The following THEMIS variants were observed in gnomAD, a reference collection of about 807,000 sequenced individuals.
The protein encoded by THEMIS is protein THEMIS.
Under a neutral mutation model 52.6 loss-of-function variants are expected in THEMIS, and 37 were observed. That is an observed-to-expected ratio of 0.70 (90% CI 0.54 to 0.93). The LOEUF (loss-of-function observed/expected upper bound fraction) is 0.93. THEMIS is among the 40% of genes least tolerant of loss of function. THEMIS has a pLI of 0.00. For missense variants in THEMIS, 808 were observed against 763.1 expected, an observed-to-expected ratio of 1.06 and a Z score of -0.69; for synonymous variants, 292 against 272.7, an observed-to-expected ratio of 1.07 and a Z score of -0.70.
At chr6:127,837,794 A>G (rs1778920971) in intron 2 of THEMIS, among the ~76,000 whole-genome samples, 1 of 152,116 alleles carries the variant, frequency 6.6e-6, no homozygotes, top group Admixed American at 6.6e-5. Context: ...AAACTCTACT[A>G]TAGACACTTC....
In THEMIS at chr6:127,856,353, C is replaced by A. The variant is rs371996896; in HGVS notation, c.92-1165G>T. On this transcript the variant is annotated intron_variant, in intron 1 of 5. Coordinates refer to ENST00000368248, the MANE Select transcript of THEMIS (RefSeq NM_001010923.3). ...ATCAGAGTCCCAATAGGTAACAGGG[C>A]ACACTCAAATTAGAATAATTTCAGG... Among the ~76,000 whole-genome samples, 5 of 152,016 alleles carry A rather than the reference C, an allele frequency of 3.3e-5. No individual in the cohort carries two copies. The East Asian group carries it at 5.9e-4, about 18-fold the overall frequency.
intron 4 of THEMIS, among the ~76,000 whole-genome samples, chr6:127,723,405 A>G (rs1424161968): frequency 2.0e-5 from 3 of 152,000 alleles, no homozygotes. Context: ...TTGCTGGAGT[A>G]TCCTTCTTTA....
chr6:127,892,556 A>G lies in THEMIS; in HGVS notation c.91+8286T>C, dbSNP rs140032922. Among the ~76,000 whole-genome samples, 495 of 152,104 alleles carry G rather than the reference A, an allele frequency of 3.3e-3. 1 individual carries two copies. Among genetic ancestry groups the G allele is most frequent in the Non-Finnish European group, 5.3e-3 (362 of 67,896 alleles). On this transcript the variant is annotated intron_variant, in intron 1 of 5. Coordinates refer to ENST00000368248, the MANE Select transcript of THEMIS (RefSeq NM_001010923.3). ...CTAGACCCTTTGACAATGCCTGATA[A>G]TGCATTATTAGGATGTATGTAAGCT...
upstream of THEMIS, among the ~76,000 whole-genome samples, chr6:127,901,488 C>A (rs1781133438): frequency 6.6e-6 from 1 of 152,036 alleles, no homozygotes; most frequent in Admixed American, 6.6e-5. Flanking sequence ...TGCGTCAGCT[C>A]TTTTTAGAAT....
chr6:127,698,622 C>G, the THEMIS span, among the ~76,000 whole-genome samples: 2 of 152,038 alleles, frequency 1.3e-5, no homozygotes, highest in Non-Finnish European at 2.9e-5. Flanking sequence ...CATATTCACT[C>G]AGATGAAACA....
rs1357450889 is a variant in THEMIS at position 127,813,828 on chromosome 6, T to A, written c.813A>T (p.Glu271Asp). Residue 271 changes from glutamate (E) to aspartate (D), a missense_variant, in exon 4 of 6, where the codon GAA becomes GAT. By Grantham distance (45) the Glu-to-Asp change is conservative. Transcript: ENST00000368248. The part of the protein sequence containing the change: ...ANWFLQLLST[E>D]DLFEMTSKEF... ...CTTTACTAGTCATTTCAAAAAGATC[T>A]TCTGTTGATAACAGCTGAAGAAACC... is the stretch of plus-strand genomic sequence containing the variant. 5 of 1,613,808 alleles carry A rather than the reference T, an allele frequency of 3.1e-6. No homozygotes were observed. The African/African-American group carries it at 5.3e-5, about 17-fold the overall frequency.
At chr6:127,739,503 T>A (rs1775122877) in intron 4 of THEMIS, among the ~76,000 whole-genome samples, 1 of 151,944 alleles carries the variant, frequency 6.6e-6, no homozygotes, top group African/African-American at 2.4e-5. Context: ...TAGCCGGGTG[T>A]GGTGGCGGGC....
At chr6:127,783,141 G>A (rs973315351) in intron 4 of THEMIS, among the ~76,000 whole-genome samples, 8 of 152,142 alleles carry the variant, frequency 5.3e-5, no homozygotes, top group African/African-American at 1.4e-4. Context: ...AATGGGGAAA[G>A]GATTCCCTAT....
At chr6:127,838,331 T>C (rs1778937685) in intron 2 of THEMIS, among the ~76,000 whole-genome samples, 2 of 152,206 alleles carry the variant, frequency 1.3e-5, no homozygotes, top group African/African-American at 4.8e-5. Context: ...AAAGTTGTTA[T>C]TGTGTTAGTA....
At chr6:127,823,743 A>G (rs753326247) in intron 3 of THEMIS, among the ~76,000 whole-genome samples, 2 of 152,148 alleles carry the variant, frequency 1.3e-5, no homozygotes, top group Non-Finnish European at 2.9e-5. Context: ...ACTCTGGGCT[A>G]GAACTAATTT....
intron 5 of THEMIS, among the ~76,000 whole-genome samples, chr6:127,716,385 C>A (rs1484074257): frequency 6.6e-6 from 1 of 151,794 alleles, no homozygotes; most frequent in Non-Finnish European, 1.5e-5. Context: ...CCTCTTGTAC[C>A]AAATGGCTGC....
chr6:127,815,349 A>G (rs778375052), intron 3 of THEMIS, among the ~76,000 whole-genome samples: 39 of 152,068 alleles, frequency 2.6e-4, no homozygotes, highest in Non-Finnish European at 3.5e-4. Flanking sequence ...ACAATTTGGA[A>G]TATTTAGAAG....
chr6:127,846,115 A>C (rs1006592892), intron 2 of THEMIS, among the ~76,000 whole-genome samples: 1 of 152,022 alleles, frequency 6.6e-6, no homozygotes, highest in Non-Finnish European at 1.5e-5. Context: ...TTCAGACATC[A>C]GTTGTCCACT....
chr6:127,820,799 T>A (rs899307067), intron 3 of THEMIS, among the ~76,000 whole-genome samples: 2 of 151,722 alleles, frequency 1.3e-5, no homozygotes, highest in Admixed American at 6.6e-5. Context: ...AAGCTTTTTT[T>A]ATACTATTCT....
chr6:127,704,085 G>T (rs560735252), downstream of THEMIS, among the ~76,000 whole-genome samples: 2 of 152,172 alleles, frequency 1.3e-5, no homozygotes, highest in African/African-American at 4.8e-5. Flanking sequence ...TTCTTAAAAG[G>T]CCCGTCTTTT....
At chr6:127,745,349 A>C (rs1165623331) in intron 4 of THEMIS, among the ~76,000 whole-genome samples, 1 of 151,934 alleles carries the variant, frequency 6.6e-6, no homozygotes, top group East Asian at 1.9e-4. Context: ...CAAAATGCCC[A>C]AATAATGCAG....
chr6:127,915,586 A>AAGAGAGAG lies in THEMIS; in HGVS notation c.-150+2834_-150+2841dup, dbSNP rs34353449. On this transcript the variant is annotated intron_variant, in intron 1 of 6. Coordinates refer to the THEMIS transcript ENST00000368250. ...GTGGGGAGAGAGAGGGTCAGAGAGA[A>AAGAGAGAG]AGAGAGAGAGAGAGAGAGAGAGAGA... 4.3e-3 allele frequency among the ~76,000 whole-genome samples: 600 copies of AAGAGAGAG among 140,412 alleles called. 1 individual carries two copies. Among genetic ancestry groups the AAGAGAGAG allele is most frequent in the Non-Finnish European group, 6.9e-3 (453 of 65,598 alleles). The allele number at this position is 140,412 out of a possible 152,430, so 92.1% of individuals were successfully genotyped here.
chr6:127,758,582 G>T (rs1240147451), intron 4 of THEMIS, among the ~76,000 whole-genome samples: 1 of 151,386 alleles, frequency 6.6e-6, no homozygotes, highest in South Asian at 2.1e-4. Context: ...ATAGCAGAAA[G>T]ATAAAAAAGT....
At chr6:127,908,146 C>A (rs1781323855) in intron 1 of THEMIS, among the ~76,000 whole-genome samples, 1 of 152,034 alleles carries the variant, frequency 6.6e-6, no homozygotes, top group African/African-American at 2.4e-5. Context: ...CATGTTTCTT[C>A]CCATGTAAGT....
Sources: gnomAD v4.1 joint callset for allele counts (sites outside exome capture counted in the v4.1 genomes callset) on GRCh38, gnomAD v4.1.1 for gene constraint, MANE v1.5 for transcripts, NCBI Gene and HGNC (gene_info 2026-07-23, HGNC 2026-07-21) for gene names.